The following IL1RAPL2 variants were observed in gnomAD, a reference collection of about 807,000 sequenced individuals.
The protein encoded by IL1RAPL2 is interleukin 1 receptor accessory protein like 2, also known as X-linked interleukin-1 receptor accessory protein-like 2.
In IL1RAPL2, 3 loss-of-function variants were observed where a neutral mutation model predicts 44.1. The observed-to-expected ratio is 0.07, with a 90% CI of 0.03 to 0.18. The LOEUF is 0.18. Ranked by LOEUF, IL1RAPL2 falls within the 10% of genes least tolerant of loss-of-function variation. The pLI, the probability that IL1RAPL2 is intolerant of heterozygous loss-of-function variation, is 1.00. For synonymous variants in IL1RAPL2, 181 were observed against 178.8 expected, an observed-to-expected ratio of 1.01 and a Z score of -0.10; for missense variants, 391 against 496.4, an observed-to-expected ratio of 0.79 and a Z score of 2.02.
intron 5 of IL1RAPL2, among the ~76,000 whole-genome samples, chrX:105,436,250 G>A (rs1258180749): frequency 9.0e-6 from 1 of 110,608 alleles, no homozygotes; most frequent in African/African-American, 3.3e-5. Context: ...TTAAGGGAGA[G>A]AGACTGACTT....
chrX:104,810,025 CAAT>C (rs1932961316), intron 2 of IL1RAPL2, among the ~76,000 whole-genome samples: 1 of 110,733 alleles, frequency 9.0e-6, no homozygotes, highest in Non-Finnish European at 1.9e-5. Flanking sequence ...AAATGTCCAA[CAAT>C]GATAGACTGG....
At chrX:104,999,677 C>A (rs1004546267) in intron 2 of IL1RAPL2, among the ~76,000 whole-genome samples, 3 of 111,362 alleles carry the variant, frequency 2.7e-5, no homozygotes, top group African/African-American at 9.8e-5. Flanking sequence ...ACAACAGAAA[C>A]CTTTATGTTT....
intron 2 of IL1RAPL2, among the ~76,000 whole-genome samples, chrX:105,137,732 T>G (rs1330475162): frequency 8.9e-6 from 1 of 111,837 alleles, no homozygotes; most frequent in African/African-American, 3.3e-5. Context: ...TCTATTTTAG[T>G]CTCATTTCCT....
intron 6 of IL1RAPL2, among the ~76,000 whole-genome samples, chrX:105,493,553 C>T (rs769174628): frequency 9.2e-4 from 103 of 111,378 alleles, no homozygotes; most frequent in Non-Finnish European, 1.8e-3. Context: ...TGCTTGTTGG[C>T]CATTTGTATG....
At chrX:104,752,107 T>C (rs1038761114) in intron 2 of IL1RAPL2, among the ~76,000 whole-genome samples, 1 of 110,922 alleles carries the variant, frequency 9.0e-6, no homozygotes, top group Non-Finnish European at 1.9e-5. Context: ...GGTTGAAGCT[T>C]CTAGGGCTTC....
intron 4 of IL1RAPL2, among the ~76,000 whole-genome samples, chrX:105,261,358 GTATT>G (rs2034357954): frequency 8.9e-6 from 1 of 112,032 alleles, no homozygotes. Flanking sequence ...TGAAGGTATT[GTATT>G]TACTCGCCCC....
intron 1 of IL1RAPL2, among the ~76,000 whole-genome samples, chrX:104,631,460 G>A (rs1358424227): frequency 5.4e-5 from 6 of 111,423 alleles, no homozygotes; most frequent in African/African-American, 2.0e-4. Context: ...CACCAACAGT[G>A]TAAAAGTGTT....
chrX:104,954,320 T>TA (rs1388908921), intron 2 of IL1RAPL2, among the ~76,000 whole-genome samples: 2 of 111,917 alleles, frequency 1.8e-5, no homozygotes, highest in East Asian at 5.6e-4. Context: ...CATCATTACC[T>TA]AAAAAACCAT....
At chrX:104,974,511 G>T (rs891278169) in intron 2 of IL1RAPL2, among the ~76,000 whole-genome samples, 6 of 112,089 alleles carry the variant, frequency 5.4e-5, no homozygotes, top group Non-Finnish European at 9.4e-5. Flanking sequence ...CTGGATTCAA[G>T]TTATTTACAA....
intron 2 of IL1RAPL2, among the ~76,000 whole-genome samples, chrX:104,781,583 A>T (rs957715596): frequency 4.5e-5 from 5 of 112,155 alleles, no homozygotes; most frequent in Admixed American, 9.5e-5. Flanking sequence ...AATGCCCCTC[A>T]TCTGCATAGT....
At chrX:105,054,981 T>C (rs1205392273) in intron 2 of IL1RAPL2, among the ~76,000 whole-genome samples, 1 of 112,780 alleles carries the variant, frequency 8.9e-6, no homozygotes, top group African/African-American at 3.2e-5. Context: ...TAAGATATCC[T>C]CATTATAACA....
intron 1 of IL1RAPL2, among the ~76,000 whole-genome samples, chrX:104,653,694 A>AGGAT (rs1034232771): frequency 9.0e-6 from 1 of 111,258 alleles, no homozygotes; most frequent in African/African-American, 3.3e-5. Context: ...CTGGGAAAAG[A>AGGAT]GGATCCTACC....
At chrX:104,655,207 T>C (rs1236557853) in intron 1 of IL1RAPL2, among the ~76,000 whole-genome samples, 1 of 111,738 alleles carries the variant, frequency 8.9e-6, no homozygotes, top group Non-Finnish European at 1.9e-5. Flanking sequence ...TTTCCAACGC[T>C]ATGTCGAATA....
intron 2 of IL1RAPL2, among the ~76,000 whole-genome samples, chrX:105,102,285 G>A (rs2032680527): frequency 1.8e-5 from 2 of 111,468 alleles, no homozygotes; most frequent in African/African-American, 3.3e-5. Flanking sequence ...TAGGCCAGGA[G>A]GTAAATAAAG....
At chrX:104,850,123 T>C (rs1004931602) in intron 2 of IL1RAPL2, among the ~76,000 whole-genome samples, 2 of 112,107 alleles carry the variant, frequency 1.8e-5, no homozygotes, top group Non-Finnish European at 3.8e-5. Context: ...TTTACATGGG[T>C]AAATTTTATT....
intron 7 of IL1RAPL2, among the ~76,000 whole-genome samples, chrX:105,726,014 C>G (rs1212959714): frequency 9.0e-6 from 1 of 111,030 alleles, no homozygotes; most frequent in Non-Finnish European, 1.9e-5. Context: ...TGGTCTTATC[C>G]TTGATCTATG....
chrX:105,614,105 C>T (rs1284572210), intron 6 of IL1RAPL2, among the ~76,000 whole-genome samples: 1 of 111,469 alleles, frequency 9.0e-6, no homozygotes, highest in African/African-American at 3.3e-5. Flanking sequence ...AACTAAATAC[C>T]TAGGAGTAAA....
chrX:105,426,237 G>A lies in IL1RAPL2; in HGVS notation c.698-58076G>A, dbSNP rs1356708296. On this transcript the variant is annotated intron_variant, in intron 5 of 10. Transcript: ENST00000372582. The stretch of plus-strand genomic sequence containing the variant: ...ACAGACAGAACAAGCCTTTAGGAGA[G>A]ATCCAAACCACTAGTCTGTAAAGTA... Among the ~76,000 whole-genome samples, 4 of 110,298 alleles carry A rather than the reference G, an allele frequency of 3.6e-5. No individual in the cohort carries two copies. The East Asian group carries it at 1.2e-3, about 32-fold the overall frequency.
intron 6 of IL1RAPL2, among the ~76,000 whole-genome samples, chrX:105,637,537 A>G (rs1273622922): frequency 1.8e-5 from 2 of 109,519 alleles, no homozygotes; most frequent in Non-Finnish European, 3.8e-5. Context: ...CAGGCATAAC[A>G]CTGAGCCTCT....
Sources: allele counts gnomAD v4.1 joint callset (sites outside exome capture counted in the v4.1 genomes callset), GRCh38; gene constraint gnomAD v4.1.1; transcripts MANE v1.5; gene names NCBI Gene and HGNC (gene_info 2026-07-23, HGNC 2026-07-21).